The following CWC22 variants were observed in gnomAD, a reference collection of about 807,000 sequenced individuals.
CWC22 encodes the protein pre-mRNA-splicing factor CWC22 homolog.
A neutral mutation model predicts 117.2 loss-of-function variants in CWC22; 53 were observed. The observed-to-expected ratio is 0.45, with a 90% CI of 0.36 to 0.57. The LOEUF (loss-of-function observed/expected upper bound fraction) is 0.57. Among genes scored for constraint, CWC22 ranks in the 20% least tolerant of loss-of-function variants. CWC22 has a pLI of 0.00. For missense variants in CWC22, 980 were observed against 1,068.8 expected, an observed-to-expected ratio of 0.92 and a Z score of 1.16; for synonymous variants, 360 against 355.6, an observed-to-expected ratio of 1.01 and a Z score of -0.14.
At chr2:179,980,662 G>A (rs550694267) in intron 5 of CWC22, among the ~76,000 whole-genome samples, 23 of 151,908 alleles carry the variant, frequency 1.5e-4, no homozygotes, top group Middle Eastern at 3.4e-3. Flanking sequence ...CGAGGTGGGC[G>A]GATCATGACG....
At chr2:179,996,023 C>T (rs1301352524) in intron 1 of CWC22, among the ~76,000 whole-genome samples, 1 of 152,132 alleles carries the variant, frequency 6.6e-6, no homozygotes, top group African/African-American at 2.4e-5. Context: ...AGACAGATTC[C>T]TGCCAAGAAC....
intron 4 of CWC22, among the ~76,000 whole-genome samples, chr2:179,983,065 C>T (rs1687325369): frequency 6.6e-6 from 1 of 152,120 alleles, no homozygotes; most frequent in South Asian, 2.1e-4. Context: ...CAGTCATCTT[C>T]CCAGGTAGCT....
chr2:179,955,078 G>T (rs373590794), intron 14 of CWC22, 44 bp from the exon 15 acceptor site: 3 of 1,313,364 alleles, frequency 2.3e-6, no homozygotes, highest in Non-Finnish European at 3.2e-6. Context: ...AACACAAAGA[G>T]ACTAAATATT....
chr2:179,946,218 G>T (rs777028908), intron 19 of CWC22, among the ~76,000 whole-genome samples: 1 of 151,998 alleles, frequency 6.6e-6, no homozygotes, highest in Non-Finnish European at 1.5e-5. Context: ...CAGAGGGGGT[G>T]GGGGACAGAT....
At chr2:179,987,496 G>A (rs1687448837) in intron 3 of CWC22, among the ~76,000 whole-genome samples, 1 of 151,964 alleles carries the variant, frequency 6.6e-6, no homozygotes, top group Non-Finnish European at 1.5e-5. Flanking sequence ...AGAGTTTTTT[G>A]TTTGTTTTTT....
intron 6 of CWC22, among the ~76,000 whole-genome samples, 200 bp downstream of exon 6, chr2:179,977,990 A>C (rs1687193193): frequency 6.6e-6 from 1 of 152,178 alleles, no homozygotes; most frequent in African/African-American, 2.4e-5. Flanking sequence ...AAAAGCAAAA[A>C]TTCCATACAA....
intron 8 of CWC22, among the ~76,000 whole-genome samples, chr2:179,972,908 C>G (rs1421896499): frequency 6.6e-6 from 1 of 151,766 alleles, no homozygotes; most frequent in Non-Finnish European, 1.5e-5. Context: ...ACTCGGGAGG[C>G]TGAGGCAGGA....
At chr2:179,973,917 C>G in intron 6 of CWC22, 115 bp from the exon 7 acceptor site, 1 of 502,780 alleles carries the variant, frequency 2.0e-6, no homozygotes, top group Non-Finnish European at 3.3e-6. Flanking sequence ...AAATCTAAAT[C>G]AGAACTAACT....
chr2:179,954,635 T>C (rs192204887), intron 15 of CWC22, among the ~76,000 whole-genome samples: 3 of 152,196 alleles, frequency 2.0e-5, no homozygotes, highest in African/African-American at 7.2e-5. Context: ...GCTTTAATTG[T>C]GCTGCCTGAA....
chr2:179,950,613 G>A lies in CWC22; in HGVS notation c.2039C>T (p.Ser680Phe). ...SSSSASSSSESDSSDSDSDSS... is the reference protein window; with the variant it reads ...SSSSASSSSEFDSSDSDSDSS... Reference sequence around the variant, plus strand: ...GTCAGAATCAGAGTCGGATGAGTCAGACTCTGAAGAGGAGGACGCTGAAGA... The same window carrying A: ...GTCAGAATCAGAGTCGGATGAGTCAAACTCTGAAGAGGAGGACGCTGAAGA... The change falls in exon 19 of 20, where the codon TCT (serine) becomes TTT (phenylalanine). Residue 680 changes from serine (S) to phenylalanine (F), a missense_variant. Ser to Phe is a radical substitution (Grantham distance 155). Around this residue, in one of 3 missense-constraint regions of CWC22, gnomAD observed 306 missense variants for 296.8 expected, o/e 1.03. Coordinates refer to ENST00000410053, the MANE Select transcript of CWC22 (RefSeq NM_020943.3). The A allele has an allele frequency of 6.2e-7, 1 of 1,613,572 alleles. No individual in the cohort carries two copies. Among genetic ancestry groups the A allele is most frequent in the African/African-American group, 1.3e-5 (1 of 75,012 alleles).
At chr2:179,965,789 C>T in intron 12 of CWC22, 89 bp downstream of exon 12, 1 of 1,148,300 alleles carries the variant, frequency 8.7e-7, no homozygotes, top group Non-Finnish European at 1.2e-6. Context: ...TTGCTCTCCC[C>T]AAAGATTGAG....
intron 15 of CWC22, among the ~76,000 whole-genome samples, chr2:179,954,730 G>A (rs1686540389): frequency 6.6e-6 from 1 of 151,870 alleles, no homozygotes; most frequent in Admixed American, 6.6e-5. Flanking sequence ...TACAAATCAT[G>A]GAAAATTCCA....
chr2:179,959,407 A>G (rs1686689386), intron 13 of CWC22, among the ~76,000 whole-genome samples: 1 of 152,198 alleles, frequency 6.6e-6, no homozygotes. Context: ...AGTGACTGCT[A>G]ATAGGCTCAG....
intron 5 of CWC22, among the ~76,000 whole-genome samples, chr2:179,979,278 C>T (rs1278486609): frequency 3.7e-5 from 1 of 26,668 alleles, no homozygotes; most frequent in Non-Finnish European, 6.4e-5. Flanking sequence ...CTTCATAACA[C>T]ATTAAACAAG....
In CWC22 at chr2:179,973,744, C is replaced by A; in HGVS notation, c.640G>T (p.Val214Phe). The A allele has an allele frequency of 6.2e-7, 1 of 1,611,548 alleles. No individual in the cohort carries two copies. Among genetic ancestry groups the A allele is most frequent in the Admixed American group, 1.7e-5 (1 of 59,776 alleles). ...ATAATTGCCACTAATGCTGCATAAA[C>A]ATGGGTGAAGATTGGAGAAGCACTC... is the stretch of plus-strand genomic sequence containing the variant. Reference protein sequence around the residue: ...AQSASPIFTHVYAALVAIINS... With the variant: ...AQSASPIFTHFYAALVAIINS... Residue 214 changes from valine to phenylalanine, a missense_variant, in exon 7 of 20, where the codon GTT (valine) becomes TTT (phenylalanine). This residue lies in a region of CWC22 where 559 missense variants were observed against 602.3 expected (regional missense o/e 0.93). Transcript: ENST00000410053.
intron 11 of CWC22, among the ~76,000 whole-genome samples, chr2:179,966,781 T>C (rs1686902133): frequency 1.3e-5 from 2 of 152,186 alleles, no homozygotes; most frequent in Non-Finnish European, 1.5e-5. Context: ...TGACCAACTC[T>C]TTACTTTCGC....
chr2:180,004,076 G>C (rs1203254022), intron 1 of CWC22, among the ~76,000 whole-genome samples: 3 of 152,120 alleles, frequency 2.0e-5, no homozygotes, highest in African/African-American at 7.2e-5. Context: ...CAGAAAAGTA[G>C]GGAAATTCGA....
chr2:179,988,238 A>T (rs549346216), intron 3 of CWC22, among the ~76,000 whole-genome samples: 28 of 152,360 alleles, frequency 1.8e-4, no homozygotes, highest in Middle Eastern at 3.4e-3. Context: ...AGAGCTATGT[A>T]CATGTAAGAG....
At chr2:179,946,636 A>G (rs548362235) in intron 19 of CWC22, among the ~76,000 whole-genome samples, 13 of 152,288 alleles carry the variant, frequency 8.5e-5, no homozygotes, top group African/African-American at 3.1e-4. Flanking sequence ...AACAAATTGA[A>G]TCCAAAAGCT....
Sources: allele counts gnomAD v4.1 joint callset (sites outside exome capture counted in the v4.1 genomes callset), GRCh38; gene constraint gnomAD v4.1.1; regional missense constraint gnomAD v4.1.1; transcripts MANE v1.5; gene names NCBI Gene and HGNC (gene_info 2026-07-23, HGNC 2026-07-21).